Variants in WNK1 observed in about 807,000 individuals in gnomAD.
The protein encoded by WNK1 is serine/threonine-protein kinase WNK1.
WNK1 carries 38 observed loss-of-function variants against 222.8 expected under a neutral mutation model. The ratio of observed to expected loss-of-function variants is 0.17; its 90% CI spans 0.13 to 0.22. WNK1 has a LOEUF of 0.22. Among genes scored for constraint, WNK1 ranks in the 10% least tolerant of loss-of-function variants. The probability of loss-of-function intolerance (pLI) is 1.00; values close to 1 mark genes in which losing one functional copy is unlikely to be tolerated. For synonymous variants in WNK1, 1,090 were observed against 1,092.9 expected (o/e 1.00, Z 0.05); for missense variants, 2,348 against 2,918.4 (o/e 0.80, Z 4.50).
intron 8 of WNK1, among the ~76,000 whole-genome samples, chr12:863,760 T>A (rs986315232): frequency 6.6e-5 from 10 of 152,214 alleles, no homozygotes; most frequent in African/African-American, 2.4e-4. Context: ...ATTGAGAATT[T>A]AAAAATTTGT....
At chr12:764,833 C>G (rs1159105291) in intron 1 of WNK1, among the ~76,000 whole-genome samples, 1 of 147,282 alleles carries the variant, frequency 6.8e-6, no homozygotes, top group African/African-American at 2.4e-5. Context: ...TGTTCACTAT[C>G]TAATACAATA....
chr12:885,320 T>C lies in WNK1; in HGVS notation c.4516T>C (p.Cys1506Arg). ...TSFPSTASQL[C>R]IQLSSSTSTP... The stretch of plus-strand genomic sequence containing the variant: ...ATTCCCAAGCACAGCTTCACAGCTG[T>C]GCATTCAGCTTAGCAGCAGTACTTC... Residue 1506 changes from cysteine to arginine, a missense_variant, in exon 19 of 28, where the codon TGC (cysteine) becomes CGC (arginine). Around this residue, in one of 13 missense-constraint regions of WNK1, gnomAD observed 1,144 missense variants for 1,273.6 expected, o/e 0.90. Transcript: ENST00000315939. 3 of 1,614,124 alleles carry C rather than the reference T, an allele frequency of 1.9e-6. No individual in the cohort carries two copies. The highest frequency in any genetic ancestry group is 2.5e-6 in the Non-Finnish European group (3 of 1,180,018).
In WNK1 at chr12:878,252, T is replaced by G; in HGVS notation, c.2264T>G (p.Val755Gly). The part of the protein sequence containing the change: ...IQQTAPPQQT[V>G]QYSLSQTSTS... ...CAGACAGCCCCTCCTCAACAGACAG[T>G]GCAGTATTCACTTTCACAGACATCA... The change falls in exon 10 of 28, where the codon GTG (valine) becomes GGG (glycine). Residue 755 changes from valine (V) to glycine (G), a missense_variant. By Grantham distance (109) the Val-to-Gly change is moderately radical. Coordinates refer to ENST00000315939, the MANE Select transcript of WNK1 (RefSeq NM_018979.4). 1 of 1,614,148 alleles carries G rather than the reference T, an allele frequency of 6.2e-7. No individual in the cohort carries two copies. Among genetic ancestry groups the G allele is most frequent in the East Asian group, 2.2e-5 (1 of 44,880 alleles).
Position 885,644 on chromosome 12 carries a change from C to G in WNK1, c.4840C>G (p.Gln1614Glu), listed in dbSNP as rs1224238290. The change falls in exon 19 of 28, where the codon CAG becomes GAG. Residue 1614 changes from glutamine (Q) to glutamate (E), a missense_variant. Transcript: ENST00000315939. Reference sequence around the variant, plus strand: ...GCCTGTTGCCAATGTGCCTGCTGTACAGCAGACACTAATTCATAGTCAGCC... The same window carrying G: ...GCCTGTTGCCAATGTGCCTGCTGTAGAGCAGACACTAATTCATAGTCAGCC... The part of the protein sequence containing the change: ...VQPVANVPAV[Q>E]QTLIHSQPQP... The G allele has an allele frequency of 9.3e-6, 15 of 1,614,092 alleles. No homozygotes were observed. The highest frequency in any genetic ancestry group is 1.3e-5 in the Non-Finnish European group (15 of 1,180,052).
intron 4 of WNK1, among the ~76,000 whole-genome samples, chr12:837,348 C>G (rs1176943902): frequency 6.6e-6 from 1 of 151,904 alleles, no homozygotes; most frequent in Non-Finnish European, 1.5e-5. Context: ...CTGAGGCAGG[C>G]AGATTACCTG....
In WNK1 at chr12:885,168, C is replaced by T. The variant is rs759951096; in HGVS notation, c.4364C>T (p.Ala1455Val). 2.4e-5 allele frequency: 38 copies of T among 1,614,202 alleles called. 1 individual carries two copies. The highest frequency in any genetic ancestry group is 3.1e-5 in the Non-Finnish European group (37 of 1,180,038). The change falls in exon 19 of 28, where the codon GCA becomes GTA. Residue 1455 changes from alanine (A) to valine (V), a missense_variant. Physicochemically the swap from Ala to Val is moderately conservative, Grantham distance 64. This residue lies in a region of WNK1 where 1,144 missense variants were observed against 1,273.6 expected (regional missense o/e 0.90). Transcript: ENST00000315939. ...CTGTATCCTTCAGTAACAGTTTCAG[C>T]AACTTCAGCCTCTGCAGGGGGCAGT... ...TALYPSVTVSATSASAGGSTA... is the reference protein window; with the variant it reads ...TALYPSVTVSVTSASAGGSTA...
intron 20 of WNK1, among the ~76,000 whole-genome samples, chr12:888,421 G>A (rs1267529815): frequency 6.6e-6 from 1 of 152,182 alleles, no homozygotes. Context: ...AGTATAAAGT[G>A]TGACAAAAAA....
intron 1 of WNK1, among the ~76,000 whole-genome samples, chr12:784,622 A>G (rs1241338681): frequency 6.6e-6 from 1 of 152,194 alleles, no homozygotes; most frequent in Non-Finnish European, 1.5e-5. Flanking sequence ...CACAGTCAAG[A>G]TATTTATTAC....
At chr12:895,488 T>TCA (rs1191702850) in intron 23 of WNK1, among the ~76,000 whole-genome samples, 1 of 152,228 alleles carries the variant, frequency 6.6e-6, no homozygotes, top group East Asian at 1.9e-4. Context: ...AGACGGAGTC[T>TCA]CACTCTGTCA....
Position 884,267 on chromosome 12 carries a change from T to G in WNK1, c.3844+24T>G. ...AGGTAAGGGATTGATTCTGCCACAT[T>G]GTTATGTAAATTCTACAGTGCCTCT... On this transcript the variant is annotated intron_variant, in intron 18 of 27. Transcript: ENST00000315939. This position sits in a 1 kb window ranked among gnomAD's most constrained non-coding sequence, Gnocchi z 5.6. 6.2e-7 allele frequency: 1 copy of G among 1,613,826 alleles called. No individual in the cohort carries two copies. The highest frequency in any genetic ancestry group is 8.5e-7 in the Non-Finnish European group (1 of 1,179,856).
At chr12:848,219 T>C (rs535174569) in intron 4 of WNK1, among the ~76,000 whole-genome samples, 2 of 152,308 alleles carry the variant, frequency 1.3e-5, no homozygotes, top group Non-Finnish European at 2.9e-5. Context: ...ATTTAGTAGG[T>C]GTGGAGAACT....
intron 4 of WNK1, among the ~76,000 whole-genome samples, chr12:841,573 G>A (rs1949628451): frequency 2.0e-5 from 3 of 152,024 alleles, no homozygotes; most frequent in Non-Finnish European, 4.4e-5. Context: ...CTCTATAGCT[G>A]CCTCTTAATC....
chr12:770,610 C>T (rs1942359569), intron 1 of WNK1, among the ~76,000 whole-genome samples: 1 of 152,128 alleles, frequency 6.6e-6, no homozygotes, highest in African/African-American at 2.4e-5. Context: ...TTTACTACTT[C>T]CTTTTAAAAA....
At chr12:822,615 T>G (rs1947994539) in intron 2 of WNK1, among the ~76,000 whole-genome samples, 1 of 152,192 alleles carries the variant, frequency 6.6e-6, no homozygotes, top group Admixed American at 6.5e-5. Context: ...TGATACCAAC[T>G]TAGCTTTAAT....
rs1322401725 is a variant in WNK1, at chr12:885,122, A to G, written c.4318A>G (p.Ile1440Val). 6.2e-7 allele frequency: 1 copy of G among 1,614,160 alleles called. No homozygotes were observed. Among genetic ancestry groups the G allele is most frequent in the Non-Finnish European group, 8.5e-7 (1 of 1,180,020 alleles). Reference protein sequence around the residue: ...SLQVPTSTSEIVVSSTALYPS... With the variant: ...SLQVPTSTSEVVVSSTALYPS... ...TCAAGTCCCCACATCCACATCTGAG[A>G]TCGTTGTTTCTAGTACAGCACTGTA... The change falls in exon 19 of 28, where the codon ATC (isoleucine) becomes GTC (valine). Residue 1440 changes from isoleucine (I) to valine (V), a missense_variant. Transcript: ENST00000315939.
At position 827,871 on chromosome 12, in the gene WNK1, A is replaced by T. The variant is rs1422438818; in HGVS notation, c.1153+609A>T. Among the ~76,000 whole-genome samples the T allele has an allele frequency of 7.1e-6, 1 of 140,196 alleles. No individual in the cohort carries two copies. Among genetic ancestry groups the T allele is most frequent in the African/African-American group, 2.6e-5 (1 of 38,556 alleles). The allele number at this position is 140,196 out of a possible 152,430, so 92.0% of individuals were successfully genotyped here. ...ACACTGTTGATACTTAACATTATAC[A>T]CTATTTATTTAATACATACAGTATG... On this transcript the variant is annotated intron_variant, in intron 3 of 27. Transcript: ENST00000315939. The surrounding 1 kb of genome is among the most constrained non-coding windows in gnomAD (Gnocchi z 4.6).
chr12:766,721 C>T (rs969057141), intron 1 of WNK1, among the ~76,000 whole-genome samples: 1 of 151,786 alleles, frequency 6.6e-6, no homozygotes, highest in Non-Finnish European at 1.5e-5. Context: ...TCATGATCCG[C>T]CTGCCTTGGC....
intron 8 of WNK1, among the ~76,000 whole-genome samples, chr12:869,566 ATAT>A (rs1192992046): frequency 2.0e-5 from 3 of 152,160 alleles, no homozygotes; most frequent in African/African-American, 7.2e-5. Flanking sequence ...TTTTGAGGTA[ATAT>A]TAATAATACA....
chr12:806,604 G>T (rs12369414), intron 1 of WNK1, among the ~76,000 whole-genome samples: 18,325 of 152,176 alleles, frequency 0.12, 1,448 homozygotes, highest in Middle Eastern at 0.19. Context: ...ATCAGGCAAT[G>T]TTTATTTTGA....
Sources: allele counts gnomAD v4.1 joint callset (sites outside exome capture counted in the v4.1 genomes callset), GRCh38; gene constraint gnomAD v4.1.1; regional missense constraint gnomAD v4.1.1; non-coding constraint Gnocchi (gnomAD v3.1); transcripts MANE v1.5; gene names NCBI Gene and HGNC (gene_info 2026-07-23, HGNC 2026-07-21).